The following BCAT1 variants were observed in gnomAD, a reference collection of about 807,000 sequenced individuals.
BCAT1 encodes branched chain amino acid transaminase 1.
Under a neutral mutation model 52.4 loss-of-function variants are expected in BCAT1, and 48 were observed. That is an observed-to-expected ratio of 0.92 (90% CI 0.73 to 1.16). The LOEUF (loss-of-function observed/expected upper bound fraction) is 1.16, where lower values mean the gene tolerates loss of function less well. Ranked by LOEUF, BCAT1 falls within the 50% of genes most tolerant of loss-of-function variation. The pLI, the probability that BCAT1 is intolerant of heterozygous loss-of-function variation, is 0.00. For synonymous variants in BCAT1, 167 were observed against 161.3 expected, an observed-to-expected ratio of 1.04 and a Z score of -0.27; for missense variants, 451 against 457.1, an observed-to-expected ratio of 0.99 and a Z score of 0.12.
chr12:24,816,315 G>T lies in BCAT1; in HGVS notation c.*1693C>A, dbSNP rs184285416. 1.0e-5 allele frequency: 4 copies of T among 392,140 alleles called. No homozygotes were observed. Among genetic ancestry groups the T allele is most frequent in the Non-Finnish European group, 1.8e-5 (4 of 222,608 alleles). The allele number at this position is 392,140 out of a possible 1,614,324, so 24.3% of individuals were successfully genotyped here. ...CTTCTCTGAAAAGAGAATAAAATAT[G>T]TTCAGCAAGAAGGAAGTTATGAGGA... On this transcript the variant is annotated 3_prime_UTR_variant, in exon 11 of 11. Transcript: ENST00000261192.
chr12:24,911,215 T>C (rs1481440808), intron 1 of BCAT1, among the ~76,000 whole-genome samples: 1 of 152,260 alleles, frequency 6.6e-6, no homozygotes, highest in Non-Finnish European at 1.5e-5. Flanking sequence ...TAAATTTTTA[T>C]TTATGTTTGT....
chr12:24,900,463 C>A (rs1264600091), intron 2 of BCAT1, among the ~76,000 whole-genome samples: 2 of 151,796 alleles, frequency 1.3e-5, no homozygotes, highest in African/African-American at 4.8e-5. Context: ...GCATGCAAGC[C>A]GATAGTCTCA....
intron 1 of BCAT1, chr12:24,903,383 C>A (rs148667348): frequency 5.3e-6 from 1 of 187,800 alleles, no homozygotes; most frequent in Non-Finnish European, 1.1e-5. Flanking sequence ...GCTAAGGAAA[C>A]CTCGGAGAAA....
chr12:24,927,308 G>A lies in BCAT1; in HGVS notation c.6+21619C>T, dbSNP rs115376459. Among the ~76,000 whole-genome samples, 18 of 147,420 alleles carry A rather than the reference G, an allele frequency of 1.2e-4. No individual in the cohort carries two copies. The East Asian group carries it at 1.8e-3, about 14-fold the overall frequency. On this transcript the variant is annotated intron_variant, in intron 1 of 10. Coordinates refer to ENST00000261192, the MANE Select transcript of BCAT1 (RefSeq NM_005504.7). ...GGGTGACAAAGTGAGACTCTGTCTC[G>A]AAAAAAAAAGAAAAGAAAAGAAAAG...
intron 5 of BCAT1, among the ~76,000 whole-genome samples, chr12:24,863,438 A>C (rs960723392): frequency 6.6e-6 from 1 of 152,272 alleles, no homozygotes; most frequent in African/African-American, 2.4e-5. Flanking sequence ...AACTTCAGTC[A>C]ACACTCAACG....
At chr12:24,876,021 G>A (rs1400312020) in intron 5 of BCAT1, among the ~76,000 whole-genome samples, 2 of 151,998 alleles carry the variant, frequency 1.3e-5, no homozygotes, top group Non-Finnish European at 2.9e-5. Context: ...TTAGCCTATG[G>A]TAGGGCAGAA....
chr12:24,824,885 G>A (rs1032186574), intron 10 of BCAT1, among the ~76,000 whole-genome samples: 8 of 151,742 alleles, frequency 5.3e-5, no homozygotes, highest in Non-Finnish European at 1.2e-4. Flanking sequence ...TTATATTCTT[G>A]TTTTTTTCCT....
At chr12:24,859,233 G>A (rs1458494430) in intron 5 of BCAT1, among the ~76,000 whole-genome samples, 1 of 152,156 alleles carries the variant, frequency 6.6e-6, no homozygotes, top group Non-Finnish European at 1.5e-5. Flanking sequence ...AAAAGATCAT[G>A]GAAGATTTTT....
chr12:24,915,424 T>C lies in BCAT1; in HGVS notation c.7-13539A>G, dbSNP rs191688590. Among the ~76,000 whole-genome samples, 10 of 152,318 alleles carry C rather than the reference T, an allele frequency of 6.6e-5. No individual in the cohort carries two copies. In the East Asian group the frequency reaches 1.5e-3, roughly 23 times the overall value. On this transcript the variant is annotated intron_variant, in intron 1 of 10. Transcript: ENST00000261192. ...TTTTTATTTTACTTCAATGCTTCTA[T>C]TGAGCACGCCTGTCAGAGCAATAGG...
chr12:24,842,007 A>C (rs1941190197), intron 7 of BCAT1, 75 bp downstream of exon 7: 2 of 1,530,994 alleles, frequency 1.3e-6, no homozygotes, highest in Non-Finnish European at 1.8e-6. Flanking sequence ...CCTTGTACTA[A>C]GTTTCTAGCT....
At chr12:24,854,502 G>C (rs1427780416) in intron 5 of BCAT1, among the ~76,000 whole-genome samples, 1 of 152,136 alleles carries the variant, frequency 6.6e-6, no homozygotes, top group Admixed American at 6.5e-5. Context: ...ACTGGACTAA[G>C]GGGTGCTTCA....
chr12:24,907,897 T>C (rs1290906973), intron 1 of BCAT1, among the ~76,000 whole-genome samples: 1 of 152,196 alleles, frequency 6.6e-6, no homozygotes, highest in Non-Finnish European at 1.5e-5. Flanking sequence ...GCTTTATTGC[T>C]CACACAAAGC....
At chr12:24,926,179 G>C (rs919794851) in intron 1 of BCAT1, among the ~76,000 whole-genome samples, 1 of 152,072 alleles carries the variant, frequency 6.6e-6, no homozygotes, top group South Asian at 2.1e-4. Context: ...CGTCTGAGAT[G>C]TGGGGAGCGC....
intron 5 of BCAT1, among the ~76,000 whole-genome samples, chr12:24,850,415 G>C (rs1019776931): frequency 1.2e-4 from 19 of 152,284 alleles, no homozygotes; most frequent in South Asian, 1.0e-3. Flanking sequence ...GTCTTCAGCA[G>C]GTGGTAGGTG....
rs964132916 is a variant in BCAT1 at position 24,811,322 on chromosome 12, T to C, written c.*6686A>G. 6.6e-5 allele frequency: 10 copies of C among 152,226 alleles called. No homozygotes were observed. The highest frequency in any genetic ancestry group is 2.4e-4 in the African/African-American group (10 of 41,464). 9.4% of individuals were successfully genotyped at this position (152,226 alleles called of 1,614,324 possible). On this transcript the variant is annotated 3_prime_UTR_variant, in exon 11 of 11. Coordinates refer to ENST00000261192, the MANE Select transcript of BCAT1 (RefSeq NM_005504.7). ...AAAAATGTTAATTTAGCATTATTAC[T>C]TCATGCATTCAACAATGCTGATTTC... is the stretch of plus-strand genomic sequence containing the variant.
chr12:24,828,813 C>T (rs1940516827), intron 10 of BCAT1, among the ~76,000 whole-genome samples: 1 of 152,068 alleles, frequency 6.6e-6, no homozygotes, highest in Non-Finnish European at 1.5e-5. Context: ...CAAGACCAGC[C>T]TGGCCAACAG....
chr12:24,888,736 A>G (rs1942753279), intron 3 of BCAT1, among the ~76,000 whole-genome samples: 1 of 152,156 alleles, frequency 6.6e-6, no homozygotes, highest in Non-Finnish European at 1.5e-5. Flanking sequence ...ATAATGATAC[A>G]GGAGTTAAGA....
chr12:24,850,208 G>T (rs543487883), intron 5 of BCAT1, among the ~76,000 whole-genome samples: 3 of 152,148 alleles, frequency 2.0e-5, no homozygotes, highest in African/African-American at 7.2e-5. Context: ...CCATTTTTGC[G>T]TGTTAGTAGG....
chr12:24,840,004 A>G (rs1336500044), intron 7 of BCAT1, among the ~76,000 whole-genome samples: 1 of 152,114 alleles, frequency 6.6e-6, no homozygotes, highest in Non-Finnish European at 1.5e-5. Context: ...AAAGTGAAGG[A>G]GTATATTAAA....
Sources: allele counts gnomAD v4.1 joint callset (sites outside exome capture counted in the v4.1 genomes callset), GRCh38; gene constraint gnomAD v4.1.1; transcripts MANE v1.5; gene names NCBI Gene and HGNC (gene_info 2026-07-23, HGNC 2026-07-21).